Variants in RASA3 observed in about 807,000 individuals in gnomAD.
RASA3 encodes RAS p21 protein activator 3, also known as ras GTPase-activating protein 3.
A neutral mutation model predicts 110.0 loss-of-function variants in RASA3; 73 were observed. That is an observed-to-expected ratio of 0.66 (90% CI 0.55 to 0.81). The LOEUF (loss-of-function observed/expected upper bound fraction) is 0.81. Among genes scored for constraint, RASA3 ranks in the 30% least tolerant of loss-of-function variants. The pLI, the probability that RASA3 is intolerant of heterozygous loss-of-function variation, is 0.00. For synonymous variants in RASA3, 500 were observed against 451.4 expected (o/e 1.11, Z -1.37); for missense variants, 976 against 1,113.2 (o/e 0.88, Z 1.75).
At chr13:114,080,342 C>T (rs2079763557) in intron 1 of RASA3, among the ~76,000 whole-genome samples, 1 of 152,172 alleles carries the variant, frequency 6.6e-6, no homozygotes, top group South Asian at 2.1e-4. Context: ...GAGGAGAGGG[C>T]TGTGCGGGCT....
chr13:114,026,418 C>T (rs9525209), intron 7 of RASA3, among the ~76,000 whole-genome samples: 45 of 152,246 alleles, frequency 3.0e-4, no homozygotes, highest in Admixed American at 6.5e-5. Flanking sequence ...GTGAGGCTTC[C>T]GTTTGAGACA....
chr13:114,052,247 G>A (rs2079157868), intron 2 of RASA3, 92 bp from the exon 3 acceptor site: 1 of 819,772 alleles, frequency 1.2e-6, no homozygotes, highest in Non-Finnish European at 2.0e-6. Flanking sequence ...TTTTAAACAT[G>A]CCATAAGAAT....
intron 20 of RASA3, among the ~76,000 whole-genome samples, chr13:113,998,966 G>A (rs772733273): frequency 1.2e-4 from 19 of 152,352 alleles, no homozygotes; most frequent in Middle Eastern, 3.4e-3. Context: ...GGGACTGCAC[G>A]GTGGGAAACA....
intron 20 of RASA3, among the ~76,000 whole-genome samples, chr13:113,998,706 C>T (rs1482197971): frequency 1.3e-5 from 2 of 152,232 alleles, no homozygotes; most frequent in Non-Finnish European, 2.9e-5. Flanking sequence ...CCTGCCACGT[C>T]GGCACATCCG....
intron 2 of RASA3, among the ~76,000 whole-genome samples, chr13:114,052,370 C>A (rs901328440): frequency 2.0e-5 from 3 of 152,200 alleles, no homozygotes; most frequent in Admixed American, 1.3e-4. Flanking sequence ...CACAGATGAA[C>A]TTCTGTACTG....
At position 114,132,532 on chromosome 13, in the gene RASA3, C is replaced by T. The variant is rs753474725; in HGVS notation, c.-43G>A. The stretch of plus-strand genomic sequence containing the variant: ...GCCGAGCCTCGCCCCAAGCGCGCGC[C>T]GAGCCCGGGCAGCTCAGGCCGAGCA... On this transcript the variant is annotated 5_prime_UTR_variant, in exon 1 of 24. Coordinates refer to ENST00000334062, the MANE Select transcript of RASA3 (RefSeq NM_007368.4). 4 of 1,430,310 alleles carry T rather than the reference C, an allele frequency of 2.8e-6. No homozygotes were observed. Among genetic ancestry groups the T allele is most frequent in the East Asian group, 3.0e-5 (1 of 32,838 alleles). The allele number at this position is 1,430,310 out of a possible 1,614,324, so 88.6% of individuals were successfully genotyped here.
chr13:114,104,978 G>T (rs1438505449), intron 1 of RASA3, among the ~76,000 whole-genome samples: 1 of 151,826 alleles, frequency 6.6e-6, no homozygotes, highest in Non-Finnish European at 1.5e-5. Flanking sequence ...CACAGGAAGG[G>T]TGGCCCCCAG....
At chr13:113,999,547 C>T (rs1301055977) in intron 20 of RASA3, 38 bp downstream of exon 20, 1 of 1,574,128 alleles carries the variant, frequency 6.4e-7, no homozygotes. Flanking sequence ...CTGGCCAGGC[C>T]TCAACCCGAA....
chr13:113,979,458 A>T, intron 23 of RASA3, 36 bp from the exon 24 acceptor site: 2 of 1,506,908 alleles, frequency 1.3e-6, no homozygotes, highest in Non-Finnish European at 1.8e-6. Flanking sequence ...TGAGGCACAG[A>T]CCCCGTTGCC....
Position 114,013,016 on chromosome 13 carries a change from C to T in RASA3, c.1512+126G>A, listed in dbSNP as rs117513627. On this transcript the variant is annotated intron_variant, in intron 15 of 23. Coordinates refer to ENST00000334062, the MANE Select transcript of RASA3 (RefSeq NM_007368.4). ...ACACACTCCCCACTCACTCCTGATT[C>T]CTCACACACTCCCCACGCATTCCAC... is the stretch of plus-strand genomic sequence containing the variant. The T allele has an allele frequency of 4.6e-3, 3,263 of 707,462 alleles. 13 individuals carry two copies. Among genetic ancestry groups the T allele is most frequent in the Non-Finnish European group, 6.4e-3 (2,700 of 424,136 alleles). The allele number at this position is 707,462 out of a possible 1,614,324, so 43.8% of individuals were successfully genotyped here. A position where few individuals can be genotyped will look rare whatever the true frequency, so the allele number is the denominator to read the frequency against.
chr13:114,025,128 C>A (rs554420765), intron 7 of RASA3, among the ~76,000 whole-genome samples: 6 of 152,252 alleles, frequency 3.9e-5, no homozygotes, highest in Admixed American at 6.5e-5. Flanking sequence ...CCCTCCCTGC[C>A]CCCCCTTCTC....
chr13:114,039,445 C>T (rs981171930), intron 4 of RASA3, among the ~76,000 whole-genome samples: 6 of 151,904 alleles, frequency 3.9e-5, no homozygotes, highest in African/African-American at 1.2e-4. Flanking sequence ...ACGCTCACTG[C>T]GGTCCCAGCT....
intron 9 of RASA3, 26 bp from the exon 10 acceptor site, chr13:114,018,945 G>A (rs1282544792): frequency 1.9e-6 from 3 of 1,612,468 alleles, no homozygotes. Flanking sequence ...ACATGGAGGG[G>A]AGGCATGAGG....
In RASA3 at chr13:114,132,466, G is replaced by A; in HGVS notation, c.24C>T (p.Leu8=). The A allele has an allele frequency of 2.0e-6, 3 of 1,515,736 alleles. No homozygotes were observed. The highest frequency in any genetic ancestry group is 2.6e-6 in the Non-Finnish European group (3 of 1,138,570). The allele number at this position is 1,515,736 out of a possible 1,614,324, so 93.9% of individuals were successfully genotyped here. Residue 8 remains leucine, a synonymous_variant, in exon 1 of 24, where the codon CTC becomes CTT. Transcript: ENST00000334062. MAVEDEG[L]RVFQSVKIKI... ...TGATCTTCACGCTCTGGAAGACCCG[G>A]AGCCCCTCGTCCTCCACCGCCATGC...
chr13:114,042,114 A>G (rs890167922), intron 3 of RASA3, among the ~76,000 whole-genome samples: 14 of 152,240 alleles, frequency 9.2e-5, no homozygotes, highest in Non-Finnish European at 1.8e-4. Context: ...ATCTGCAACC[A>G]TTATTATCTG....
chr13:113,993,399 C>T (rs535899886), intron 21 of RASA3, among the ~76,000 whole-genome samples: 1 of 151,842 alleles, frequency 6.6e-6, no homozygotes, highest in Non-Finnish European at 1.5e-5. Context: ...TGGTCTTGAA[C>T]TCCTGAGCTC....
At chr13:113,995,726 GGGGGGCCCGGCTGAC>G (rs750022709) in intron 21 of RASA3, among the ~76,000 whole-genome samples, 1,044 of 87,554 alleles carry the variant, frequency 0.012, 123 homozygotes, top group Non-Finnish European at 0.017. Context: ...CCCAGCTGAT[GGGGGGCCCGGCTGAC>G]GGGGGCCCGG....
rs753474725 is a variant in RASA3 at position 114,132,532 on chromosome 13, C to A, written c.-43G>T. The A allele has an allele frequency of 1.4e-6, 2 of 1,430,310 alleles. No individual in the cohort carries two copies. Among genetic ancestry groups the A allele is most frequent in the African/African-American group, 1.5e-5 (1 of 68,048 alleles). 88.6% of individuals were successfully genotyped at this position (1,430,310 alleles called of 1,614,324 possible). ...GCCGAGCCTCGCCCCAAGCGCGCGC[C>A]GAGCCCGGGCAGCTCAGGCCGAGCA... On this transcript the variant is annotated 5_prime_UTR_variant, in exon 1 of 24. Transcript: ENST00000334062.
intron 1 of RASA3, among the ~76,000 whole-genome samples, chr13:114,088,175 C>T (rs1369231280): frequency 6.6e-6 from 1 of 152,158 alleles, no homozygotes; most frequent in African/African-American, 2.4e-5. Context: ...CACAGATACA[C>T]ACACAACAAA....
Sources: gnomAD v4.1 joint callset for allele counts (sites outside exome capture counted in the v4.1 genomes callset) on GRCh38, gnomAD v4.1.1 for gene constraint, MANE v1.5 for transcripts, NCBI Gene and HGNC (gene_info 2026-07-23, HGNC 2026-07-21) for gene names.